Variants in LOC400499 observed in about 807,000 individuals in gnomAD.
chr16:11,434,018 T>C, the LOC400499 span, among the ~76,000 whole-genome samples: 1 of 152,050 alleles, frequency 6.6e-6, no homozygotes, highest in Admixed American at 6.5e-5. Context: ...TTACAGCCAG[T>C]TGGTCAGGAG....
chr16:11,522,761 G>T, the LOC400499 span, among the ~76,000 whole-genome samples: 66 of 152,312 alleles, frequency 4.3e-4, 1 homozygote, highest in Non-Finnish European at 1.5e-5. Flanking sequence ...ATCAAGTGGG[G>T]CTGGCAGGGG....
At chr16:11,402,088 C>T in the LOC400499 span, 2 of 399,174 alleles carry the variant, frequency 5.0e-6, no homozygotes, top group Non-Finnish European at 8.8e-6. Flanking sequence ...GGCTGCCTCC[C>T]AAATGCTCTG....
chr16:11,424,031 G>T, the LOC400499 span: 1 of 399,164 alleles, frequency 2.5e-6, no homozygotes, highest in Admixed American at 4.4e-5. Flanking sequence ...CACACTCTGG[G>T]CAGAAGCAAA....
the LOC400499 span, among the ~76,000 whole-genome samples, chr16:11,454,542 C>T: frequency 2.6e-5 from 4 of 152,176 alleles, no homozygotes; most frequent in African/African-American, 9.7e-5. Flanking sequence ...AGAGAGGATG[C>T]GGCTGTAAGC....
chr16:11,503,558 T>C, the LOC400499 span, among the ~76,000 whole-genome samples: 3 of 152,136 alleles, frequency 2.0e-5, no homozygotes, highest in Non-Finnish European at 2.9e-5. Context: ...CCAGAGGTCC[T>C]CCGAGGCTGG....
chr16:11,377,000 C>G, the LOC400499 span, among the ~76,000 whole-genome samples: 1 of 148,596 alleles, frequency 6.7e-6, no homozygotes, highest in Non-Finnish European at 1.5e-5. Flanking sequence ...AGTACAGTGG[C>G]TATTCACAGG....
chr16:11,373,354 A>G, the LOC400499 span, among the ~76,000 whole-genome samples: 3 of 152,178 alleles, frequency 2.0e-5, no homozygotes, highest in Non-Finnish European at 2.9e-5. Context: ...GATGGGTTTT[A>G]ACTTTTCTGA....
At chr16:11,444,676 G>A in the LOC400499 span, among the ~76,000 whole-genome samples, 8 of 152,218 alleles carry the variant, frequency 5.3e-5, no homozygotes, top group East Asian at 9.6e-4. Context: ...ACATCATGAC[G>A]GCAACTATTC....
chr16:11,522,586 A>G, the LOC400499 span, among the ~76,000 whole-genome samples: 1 of 152,192 alleles, frequency 6.6e-6, no homozygotes, highest in Non-Finnish European at 1.5e-5. Flanking sequence ...GCATTCATCT[A>G]CAGTAACTCA....
At chr16:11,378,945 T>A in the LOC400499 span, among the ~76,000 whole-genome samples, 4 of 152,344 alleles carry the variant, frequency 2.6e-5, no homozygotes, top group Non-Finnish European at 1.5e-5. Flanking sequence ...TGATCTTCTG[T>A]CTGGGTGTTG....
chr16:11,498,917 G>C, the LOC400499 span, among the ~76,000 whole-genome samples: 1 of 150,234 alleles, frequency 6.7e-6, no homozygotes, highest in African/African-American at 2.5e-5. Context: ...ATTGAGGCCT[G>C]GGAAAGTAAA....
the LOC400499 span, among the ~76,000 whole-genome samples, chr16:11,492,423 G>A: frequency 6.6e-6 from 1 of 152,016 alleles, no homozygotes; most frequent in South Asian, 2.1e-4. Context: ...CTCAGCCCCT[G>A]TCCACCTGAA....
chr16:11,522,197 C>T, the LOC400499 span: 2 of 398,250 alleles, frequency 5.0e-6, no homozygotes, highest in African/African-American at 4.1e-5. Context: ...CATCCTTGCT[C>T]ACACCTCTCT....
chr16:11,506,009 C>G, the LOC400499 span, among the ~76,000 whole-genome samples: 1 of 152,000 alleles, frequency 6.6e-6, no homozygotes, highest in Admixed American at 6.6e-5. Flanking sequence ...CATTAGTCAG[C>G]TATGCTAAAA....
the LOC400499 span, among the ~76,000 whole-genome samples, chr16:11,515,716 A>AAGGAGGGGGAAAAGGGAGG: frequency 1.1e-5 from 1 of 87,094 alleles, no homozygotes; most frequent in Admixed American, 1.3e-4. Context: ...AGGGAGGAGG[A>AAGGAGGGGGAAAAGGGAGG]AGGAGGAGGA....
chr16:11,524,338 C>T, the LOC400499 span, among the ~76,000 whole-genome samples: 1 of 147,412 alleles, frequency 6.8e-6, no homozygotes, highest in Non-Finnish European at 1.5e-5. Context: ...ACCCACTCTC[C>T]CTCCTATCCA....
the LOC400499 span, chr16:11,401,481 C>A: frequency 5.0e-6 from 2 of 399,224 alleles, no homozygotes; most frequent in Non-Finnish European, 8.8e-6. Context: ...CACAGACCAC[C>A]TTCTCCATCG....
At chr16:11,488,387 C>A in the LOC400499 span, among the ~76,000 whole-genome samples, 3 of 152,092 alleles carry the variant, frequency 2.0e-5, no homozygotes, top group Non-Finnish European at 2.9e-5. Context: ...TATTTTTGAA[C>A]AAGCAGCATG....
chr16:11,507,488 T>C, the LOC400499 span, among the ~76,000 whole-genome samples: 1 of 152,200 alleles, frequency 6.6e-6, no homozygotes, highest in Non-Finnish European at 1.5e-5. Context: ...CAGTGTGGCT[T>C]TAAGCACATT....
Sources: gnomAD v4.1 joint callset for allele counts (sites outside exome capture counted in the v4.1 genomes callset) on GRCh38, gnomAD v4.1.1 for gene constraint, MANE v1.5 for transcripts.